Variants in ZNF814 observed in about 807,000 individuals in gnomAD.
ZNF814 encodes zinc finger protein 814.
Under a neutral mutation model 7.5 loss-of-function variants are expected in ZNF814, and 5 were observed. That is an observed-to-expected ratio of 0.67 (90% CI 0.35 to 1.40). The LOEUF (loss-of-function observed/expected upper bound fraction) is 1.40, where lower values mean the gene tolerates loss of function less well. ZNF814 is among the 40% of genes most tolerant of loss of function. The pLI is 0.04. For missense variants in ZNF814, 962 were observed against 1,018.0 expected, an observed-to-expected ratio of 0.94 and a Z score of 0.75; for synonymous variants, 315 against 340.7, an observed-to-expected ratio of 0.92 and a Z score of 0.83.
At chr19:57,878,166 C>CAAAAAAAA (rs60614715) in intron 1 of ZNF814, among the ~76,000 whole-genome samples, 1 of 88,438 alleles carries the variant, frequency 1.1e-5, no homozygotes, top group African/African-American at 4.4e-5. Context: ...AACTCTGTCT[C>CAAAAAAAA]AAAAAAAAAA....
chr19:57,899,819 C>T, the ZNF814 span, among the ~76,000 whole-genome samples: 17 of 152,128 alleles, frequency 1.1e-4, no homozygotes, highest in Non-Finnish European at 2.5e-4. Flanking sequence ...ACAACCAAAA[C>T]GCTTACTCTG....
rs1375741749 is a variant in ZNF814, at chr19:57,887,088, T to A, written c.36+1679A>T. Among the ~76,000 whole-genome samples the A allele has an allele frequency of 7.2e-5, 11 of 151,956 alleles. No individual in the cohort carries two copies. The East Asian group carries it at 2.1e-3, about 29-fold the overall frequency. On this transcript the variant is annotated intron_variant, in intron 1 of 2. Coordinates refer to ENST00000435989, the MANE Select transcript of ZNF814 (RefSeq NM_001144989.2). ...CCTGTAATCCCAGCTACTGGGAGGC[T>A]GAGGCAGGAGAATCGCTTGAACCCG...
the ZNF814 span, among the ~76,000 whole-genome samples, chr19:57,895,338 C>T: frequency 2.0e-3 from 303 of 149,698 alleles, no homozygotes; most frequent in Non-Finnish European, 3.4e-3. Context: ...TGCAGTGGTG[C>T]GATCTCGGCT....
At chr19:57,877,567 C>T (rs181038090) in intron 1 of ZNF814, among the ~76,000 whole-genome samples, 1 of 151,994 alleles carries the variant, frequency 6.6e-6, no homozygotes, top group Non-Finnish European at 1.5e-5. Flanking sequence ...CTCAGCCTCC[C>T]GAGCAGCTGG....
the ZNF814 span, among the ~76,000 whole-genome samples, chr19:57,903,262 A>C: frequency 6.6e-6 from 1 of 152,214 alleles, no homozygotes; most frequent in African/African-American, 2.4e-5. Flanking sequence ...CTGCTGCAGT[A>C]GCTAGTGTGG....
At position 57,873,305 on chromosome 19, in the gene ZNF814, T is replaced by C; in HGVS notation, c.2085A>G (p.Lys695=). ...GGAGGTGAGACTTCTTCTTAAATAA[T>C]TTTCCACATTCCCTACATACATAAG... ...ERPYVCRECG[K]LFKKKSHLLV... Residue 695 remains lysine, a synonymous_variant, in exon 3 of 3, where the codon AAA becomes AAG. Coordinates refer to ENST00000435989, the MANE Select transcript of ZNF814 (RefSeq NM_001144989.2). 6.3e-7 allele frequency: 1 copy of C among 1,588,954 alleles called. No individual in the cohort carries two copies. Among genetic ancestry groups the C allele is most frequent in the Non-Finnish European group, 8.6e-7 (1 of 1,167,056 alleles).
rs1048972734 is a variant in ZNF814, at chr19:57,876,905, G to C, written c.163+11C>G. 2 of 1,613,898 alleles carry C rather than the reference G, an allele frequency of 1.2e-6. No individual in the cohort carries two copies. Among genetic ancestry groups the C allele is most frequent in the South Asian group, 1.1e-5 (1 of 91,076 alleles). On this transcript the variant is annotated intron_variant, in intron 2 of 2. Transcript: ENST00000435989. Reference sequence around the variant, plus strand: ...CTAGCTCAGGTCACAGGGTGAGTGTGAGCAACTTACCCAGGGAGGATATAA... The same window carrying C: ...CTAGCTCAGGTCACAGGGTGAGTGTCAGCAACTTACCCAGGGAGGATATAA...
rs575639699 is a variant in ZNF814, at chr19:57,877,290, G to T, written c.37-248C>A. Among the ~76,000 whole-genome samples the T allele has an allele frequency of 2.6e-5, 4 of 152,188 alleles. No individual in the cohort carries two copies. The East Asian group carries it at 7.7e-4, about 29-fold the overall frequency. ...TTTCCCTAGTATGGCCAAGGTCATG[G>T]AAAGCCCAATGTGGCACCTTCAGCA... On this transcript the variant is annotated intron_variant, in intron 1 of 2. Transcript: ENST00000435989.
the ZNF814 span, among the ~76,000 whole-genome samples, chr19:57,902,786 G>A: frequency 2.0e-5 from 3 of 151,500 alleles, no homozygotes; most frequent in South Asian, 2.1e-4. Context: ...TCAGCCTCCC[G>A]AGTAGCTGGG....
At chr19:57,900,370 A>G in the ZNF814 span, 1 of 152,340 alleles carries the variant, frequency 6.6e-6, no homozygotes, top group South Asian at 2.1e-4. Context: ...TATTACTCAT[A>G]TGAGAGCACA....
chr19:57,883,281 C>T (rs1194584696), intron 1 of ZNF814, among the ~76,000 whole-genome samples: 2 of 151,562 alleles, frequency 1.3e-5, no homozygotes, highest in Admixed American at 1.3e-4. Context: ...TGGCATGAAC[C>T]CCAGGGGGGC....
upstream of ZNF814, among the ~76,000 whole-genome samples, chr19:57,893,324 C>T (rs902614300): frequency 4.6e-5 from 7 of 151,970 alleles, no homozygotes; most frequent in African/African-American, 1.7e-4. Context: ...CAGGCACGCA[C>T]CACCATGCCT....
In ZNF814 at chr19:57,874,710, T is replaced by C. The variant is rs757543097; in HGVS notation, c.680A>G (p.His227Arg). 26 of 1,588,982 alleles carry C rather than the reference T, an allele frequency of 1.6e-5. No individual in the cohort carries two copies. In the South Asian group the frequency reaches 2.1e-4, roughly 13 times the overall value. The change falls in exon 3 of 3, where the codon CAT becomes CGT. Residue 227 changes from histidine to arginine, a missense_variant. By Grantham distance (29) the His-to-Arg change is conservative. Transcript: ENST00000435989. Reference sequence around the variant, plus strand: ...CAGTCTCTGGTGCTGACTGAGTATATGTTTGGTGCTAAAATGTTTCATGGA... The same window carrying C: ...CAGTCTCTGGTGCTGACTGAGTATACGTTTGGTGCTAAAATGTTTCATGGA... ...GESMKHFSTK[H>R]ILSQHQRLLT... is the part of the protein sequence containing the mutation.
chr19:57,878,166 CAAAA>C (rs60614715), intron 1 of ZNF814, among the ~76,000 whole-genome samples: 13 of 88,382 alleles, frequency 1.5e-4, no homozygotes, highest in Admixed American at 4.0e-4. Flanking sequence ...AACTCTGTCT[CAAAA>C]AAAAAAAAAA....
At chr19:57,903,791 G>A in the ZNF814 span, among the ~76,000 whole-genome samples, 1 of 152,216 alleles carries the variant, frequency 6.6e-6, no homozygotes, top group Non-Finnish European at 1.5e-5. Context: ...CTTCTGGAGA[G>A]AAAGCCGCTG....
rs1439868605 is a variant in ZNF814 at position 57,871,541 on chromosome 19, G to C, written c.*1281C>G. 6.6e-6 allele frequency: 1 copy of C among 152,096 alleles called. No homozygotes were observed. The highest frequency in any genetic ancestry group is 1.5e-5 in the Non-Finnish European group (1 of 68,026). 9.4% of individuals were successfully genotyped at this position (152,096 alleles called of 1,614,324 possible). ...AGATTGAAGAAGGCTGAAACAATAAGGCCTTCATAATAGCACAAACCGGAG... is the reference window on the plus strand; with the variant it reads ...AGATTGAAGAAGGCTGAAACAATAACGCCTTCATAATAGCACAAACCGGAG... On this transcript the variant is annotated 3_prime_UTR_variant, in exon 3 of 3. Coordinates refer to ENST00000435989, the MANE Select transcript of ZNF814 (RefSeq NM_001144989.2).
Position 57,872,814 on chromosome 19 carries a change from C to T in ZNF814, c.*8G>A. 1 of 1,609,326 alleles carries T rather than the reference C, an allele frequency of 6.2e-7. No individual in the cohort carries two copies. Among genetic ancestry groups the T allele is most frequent in the Non-Finnish European group, 8.5e-7 (1 of 1,177,288 alleles). ...TTCTTGCTAAAAACTTTCTGACAAT[C>T]CTCACACTCATATGGCTTTTCTCCA... On this transcript the variant is annotated 3_prime_UTR_variant, in exon 3 of 3. Transcript: ENST00000435989.
chr19:57,889,770 A>T (rs1232751858), upstream of ZNF814, among the ~76,000 whole-genome samples: 1 of 152,062 alleles, frequency 6.6e-6, no homozygotes, highest in East Asian at 1.9e-4. Flanking sequence ...AGGCCGAGGC[A>T]GGAGAATCTC....
intron 1 of ZNF814, among the ~76,000 whole-genome samples, chr19:57,878,814 C>A (rs1227108087): frequency 6.6e-6 from 1 of 152,020 alleles, no homozygotes; most frequent in Non-Finnish European, 1.5e-5. Context: ...CACCTGTAAT[C>A]CCAGCACTCT....
Sources: allele counts gnomAD v4.1 joint callset (sites outside exome capture counted in the v4.1 genomes callset), GRCh38; gene constraint gnomAD v4.1.1; transcripts MANE v1.5; gene names NCBI Gene and HGNC (gene_info 2026-07-23, HGNC 2026-07-21).